Variants in ZBTB7C observed in about 807,000 individuals in gnomAD.
The protein encoded by ZBTB7C is zinc finger and BTB domain-containing protein 7C.
Under a neutral mutation model 25.7 loss-of-function variants are expected in ZBTB7C, and 8 were observed. That is an observed-to-expected ratio of 0.31 (90% confidence interval 0.18 to 0.56). The LOEUF (loss-of-function observed/expected upper bound fraction) is 0.56, where lower values mean the gene tolerates loss of function less well. Among genes scored for constraint, ZBTB7C ranks in the 20% least tolerant of loss-of-function variants. The pLI is 0.91. For missense variants in ZBTB7C, 824 were observed against 855.2 expected (o/e 0.96, Z 0.46); for synonymous variants, 394 against 369.0 (o/e 1.07, Z -0.78).
intron 3 of ZBTB7C, among the ~76,000 whole-genome samples, chr18:48,097,872 C>T (rs1389262519): frequency 1.3e-5 from 2 of 151,672 alleles, no homozygotes; most frequent in African/African-American, 2.4e-5. Context: ...TCTTTACTTA[C>T]AAGCATCTTT....
chr18:48,240,403 C>T (rs1412072985), intron 2 of ZBTB7C, among the ~76,000 whole-genome samples: 1 of 152,122 alleles, frequency 6.6e-6, no homozygotes, highest in East Asian at 1.9e-4. Flanking sequence ...ATCAGGTTAT[C>T]TAAAGTCAGG....
chr18:48,131,465 T>C (rs1034532085), intron 3 of ZBTB7C, among the ~76,000 whole-genome samples: 14 of 152,130 alleles, frequency 9.2e-5, no homozygotes, highest in African/African-American at 3.1e-4. Flanking sequence ...AATGAAAGGA[T>C]AGTTGTTTTT....
rs923578449 is a variant in ZBTB7C at position 48,029,275 on chromosome 18, G to A, written c.1845C>T (p.Ser615=). 4 of 1,538,106 alleles carry A rather than the reference G, an allele frequency of 2.6e-6. No individual in the cohort carries two copies. Among genetic ancestry groups the A allele is most frequent in the Non-Finnish European group, 3.5e-6 (4 of 1,148,808 alleles). The change falls in exon 5 of 5, where the codon TCC becomes TCT. Residue 615 remains serine, a synonymous_variant. Coordinates refer to ENST00000590800, the MANE Select transcript of ZBTB7C (RefSeq NM_001318841.2). ...AGGGACCAGCCTAGTTGTTGGCTTC[G>A]GACATGGAGGCCACGTGGTTGAGGC... ...LAGLNHVASM[S]EANN
intron 4 of ZBTB7C, among the ~76,000 whole-genome samples, chr18:48,036,610 G>A (rs1451060376): frequency 6.6e-6 from 1 of 152,234 alleles, no homozygotes; most frequent in East Asian, 1.9e-4. Flanking sequence ...TGGAAATCAT[G>A]TCCGAGAGAA....
chr18:48,195,548 A>G (rs138239339), intron 2 of ZBTB7C, among the ~76,000 whole-genome samples: 1 of 151,736 alleles, frequency 6.6e-6, no homozygotes, highest in African/African-American at 2.4e-5. Flanking sequence ...AATCCATTAA[A>G]CCTCTTTTTC....
chr18:48,283,634 T>C (rs1018746001), intron 2 of ZBTB7C, among the ~76,000 whole-genome samples: 1 of 152,314 alleles, frequency 6.6e-6, no homozygotes, highest in East Asian at 1.9e-4. Flanking sequence ...AGGCAACCAA[T>C]GAGAAGTCAA....
chr18:48,316,040 TC>T lies in ZBTB7C; in HGVS notation c.-79+22133del, dbSNP rs1568371224. 3.9e-5 allele frequency among the ~76,000 whole-genome samples: 6 copies of T among 152,140 alleles called. No individual in the cohort carries two copies. In the East Asian group the frequency reaches 9.7e-4, roughly 24 times the overall value. On this transcript the variant is annotated intron_variant, in intron 2 of 4. Transcript: ENST00000590800. ...AGCCCTAGAGACCTGGCAACAGGCT[TC>T]CCACTCTCCCACCCACTCTCCCACC...
intron 3 of ZBTB7C, among the ~76,000 whole-genome samples, chr18:48,070,477 C>G (rs1022917200): frequency 2.6e-5 from 4 of 152,318 alleles, no homozygotes; most frequent in African/African-American, 9.6e-5. Context: ...AAGAAGACTG[C>G]CTCCATCTCA....
intron 3 of ZBTB7C, among the ~76,000 whole-genome samples, chr18:48,144,986 T>C (rs2040457065): frequency 6.6e-6 from 1 of 152,216 alleles, no homozygotes; most frequent in South Asian, 2.1e-4. Flanking sequence ...ATTCATTCCC[T>C]GACCCTCAAG....
At chr18:48,146,468 C>CT (rs1314776729) in intron 3 of ZBTB7C, among the ~76,000 whole-genome samples, 3 of 151,888 alleles carry the variant, frequency 2.0e-5, no homozygotes, top group African/African-American at 4.8e-5. Flanking sequence ...TGTTAATAAA[C>CT]TTTTTTTTGC....
At chr18:48,134,405 A>T (rs981861065) in intron 3 of ZBTB7C, among the ~76,000 whole-genome samples, 9 of 152,118 alleles carry the variant, frequency 5.9e-5, no homozygotes, top group Non-Finnish European at 1.2e-4. Flanking sequence ...GTCAGCTAAA[A>T]CGAAGGAGGA....
intron 3 of ZBTB7C, among the ~76,000 whole-genome samples, chr18:48,044,280 G>A (rs958080398): frequency 6.6e-6 from 1 of 152,236 alleles, no homozygotes; most frequent in African/African-American, 2.4e-5. Context: ...CCCAGGCTGA[G>A]GCTTCAATGA....
intron 3 of ZBTB7C, among the ~76,000 whole-genome samples, chr18:48,054,075 G>C (rs953543653): frequency 6.6e-6 from 1 of 152,228 alleles, no homozygotes; most frequent in Admixed American, 6.5e-5. Context: ...TTAGAGACAG[G>C]CTAGTCTGGG....
In ZBTB7C at chr18:48,044,036, A is replaced by T. The variant is rs187747676; in HGVS notation, c.-16-2913T>A. On this transcript the variant is annotated intron_variant, in intron 3 of 4. Transcript: ENST00000590800. The stretch of plus-strand genomic sequence containing the variant: ...GGGAGGATGTGGAGAACAGTGTACC[A>T]GGCTGTGGGAACAGTGGCACAAAGT... Among the ~76,000 whole-genome samples, 401 of 152,310 alleles carry T rather than the reference A, an allele frequency of 2.6e-3. 5 individuals carry two copies. Among genetic ancestry groups the T allele is most frequent in the Non-Finnish European group, 1.9e-3 (128 of 68,010 alleles).
At chr18:48,303,107 C>A (rs1598824016) in intron 2 of ZBTB7C, among the ~76,000 whole-genome samples, 1 of 152,340 alleles carries the variant, frequency 6.6e-6, no homozygotes, top group Non-Finnish European at 1.5e-5. Context: ...CCAATTTGCA[C>A]CTTCTGTGGA....
At chr18:48,342,569 C>T (rs1365609386) in intron 1 of ZBTB7C, among the ~76,000 whole-genome samples, 1 of 152,222 alleles carries the variant, frequency 6.6e-6, no homozygotes, top group African/African-American at 2.4e-5. Context: ...AATCAATTCC[C>T]CACAACCCTC....
intron 3 of ZBTB7C, chr18:48,169,941 G>A (rs1026849454): frequency 6.6e-6 from 1 of 152,358 alleles, no homozygotes; most frequent in Admixed American, 6.5e-5. Flanking sequence ...TGTTATGAGG[G>A]AGAGTGGACA....
In ZBTB7C at chr18:48,039,886, G is replaced by C. The variant is rs2036140199; in HGVS notation, c.1208+14C>G. 1 of 1,608,674 alleles carries C rather than the reference G, an allele frequency of 6.2e-7. No individual in the cohort carries two copies. Among genetic ancestry groups the C allele is most frequent in the African/African-American group, 1.3e-5 (1 of 74,908 alleles). On this transcript the variant is annotated intron_variant, in intron 4 of 4. Transcript: ENST00000590800. Reference sequence around the variant, plus strand: ...CTGGCCCCGTGCCCCACACCCGAGGGCTGCCATGCGCACCTGGTGAAGCGG... The same window carrying C: ...CTGGCCCCGTGCCCCACACCCGAGGCCTGCCATGCGCACCTGGTGAAGCGG...
intron 2 of ZBTB7C, among the ~76,000 whole-genome samples, chr18:48,281,379 C>A (rs1268372057): frequency 2.6e-5 from 4 of 152,130 alleles, no homozygotes; most frequent in Non-Finnish European, 5.9e-5. Flanking sequence ...CTAGGCATTA[C>A]CATTCAGGAC....
Sources: allele counts gnomAD v4.1 joint callset (sites outside exome capture counted in the v4.1 genomes callset), GRCh38; gene constraint gnomAD v4.1.1; transcripts MANE v1.5; gene names NCBI Gene and HGNC (gene_info 2026-07-23, HGNC 2026-07-21).